Variants in GLIS1 observed in about 807,000 individuals in gnomAD.
GLIS1 encodes zinc finger protein GLIS1.
GLIS1 carries 24 observed loss-of-function variants against 63.8 expected under a neutral mutation model. The observed-to-expected ratio is 0.38, with a 90% CI of 0.27 to 0.53. GLIS1 has a LOEUF of 0.53. GLIS1 is among the 20% of genes least tolerant of loss of function. The pLI is 0.85. For synonymous variants in GLIS1, 450 were observed against 482.5 expected (o/e 0.93, Z 0.88); for missense variants, 1,036 against 1,074.1 (o/e 0.96, Z 0.50).
intron 7 of GLIS1, among the ~76,000 whole-genome samples, chr1:53,520,383 C>CT (rs1181797113): frequency 6.6e-6 from 1 of 152,210 alleles, no homozygotes; most frequent in Non-Finnish European, 1.5e-5. Context: ...CGGGTGAGGG[C>CT]TTCATGCCCT....
chr1:53,618,045 C>T (rs1374550431), intron 2 of GLIS1, among the ~76,000 whole-genome samples: 3 of 152,226 alleles, frequency 2.0e-5, no homozygotes, highest in Non-Finnish European at 4.4e-5. Flanking sequence ...CAGTCCAGGC[C>T]CTGTGCTGGG....
chr1:53,730,031 T>C (rs751243361), intron 2 of GLIS1, among the ~76,000 whole-genome samples: 2 of 152,188 alleles, frequency 1.3e-5, no homozygotes, highest in African/African-American at 4.8e-5. Context: ...TTTTACGATA[T>C]GCTTAAAATT....
chr1:53,647,648 A>G (rs1010210308), intron 2 of GLIS1, among the ~76,000 whole-genome samples: 4 of 150,988 alleles, frequency 2.6e-5, no homozygotes, highest in African/African-American at 9.9e-5. Context: ...ATTGTATAGG[A>G]GACTATTTTC....
chr1:53,581,660 G>A (rs1447751053), intron 4 of GLIS1, among the ~76,000 whole-genome samples: 1 of 152,204 alleles, frequency 6.6e-6, no homozygotes, highest in South Asian at 2.1e-4. Context: ...AAGGCCTCCT[G>A]GAGGAGGTGA....
chr1:53,715,639 G>C (rs1646690490), intron 2 of GLIS1, among the ~76,000 whole-genome samples: 1 of 152,180 alleles, frequency 6.6e-6, no homozygotes. Flanking sequence ...CACAGGTTCA[G>C]GACTGAGGCA....
At chr1:53,592,157 A>G (rs1040694555) in intron 4 of GLIS1, among the ~76,000 whole-genome samples, 1 of 152,004 alleles carries the variant, frequency 6.6e-6, no homozygotes, top group African/African-American at 2.4e-5. Flanking sequence ...GGCCGCAGAG[A>G]GAGAGACCCT....
intron 2 of GLIS1, among the ~76,000 whole-genome samples, chr1:53,622,525 T>C (rs992598699): frequency 6.6e-6 from 1 of 151,376 alleles, no homozygotes; most frequent in African/African-American, 2.4e-5. Context: ...GGAAAAAGGG[T>C]ATTGGCAGAT....
chr1:53,523,378 C>G (rs1272040955), intron 6 of GLIS1, among the ~76,000 whole-genome samples: 1 of 152,176 alleles, frequency 6.6e-6, no homozygotes, highest in Admixed American at 6.5e-5. Context: ...CTCCCAGCAC[C>G]CCATCGCTGT....
chr1:53,667,711 A>T (rs1646108672), intron 2 of GLIS1, among the ~76,000 whole-genome samples: 1 of 152,236 alleles, frequency 6.6e-6, no homozygotes, highest in Non-Finnish European at 1.5e-5. Context: ...AAGCATCAGC[A>T]TCTGGTGAGG....
intron 4 of GLIS1, among the ~76,000 whole-genome samples, chr1:53,548,007 T>C (rs1644721728): frequency 6.6e-6 from 1 of 152,248 alleles, no homozygotes; most frequent in Non-Finnish European, 1.5e-5. Context: ...TATTTATTTT[T>C]CAAAACTCAA....
intron 4 of GLIS1, among the ~76,000 whole-genome samples, chr1:53,561,407 T>C (rs1193747314): frequency 6.6e-6 from 1 of 152,238 alleles, no homozygotes; most frequent in Non-Finnish European, 1.5e-5. Context: ...AATTGGATCC[T>C]CAGCCTACAC....
intron 2 of GLIS1, among the ~76,000 whole-genome samples, chr1:53,666,263 T>C (rs1454700931): frequency 6.6e-6 from 1 of 152,210 alleles, no homozygotes; most frequent in African/African-American, 2.4e-5. Context: ...ACAGCAGCTA[T>C]CTTTTCTCAA....
At chr1:53,628,008 C>T (rs1440707505) in intron 2 of GLIS1, among the ~76,000 whole-genome samples, 1 of 152,150 alleles carries the variant, frequency 6.6e-6, no homozygotes, top group Non-Finnish European at 1.5e-5. Flanking sequence ...AAGGGAGGAC[C>T]CCGTCTGAGA....
chr1:53,606,483 A>G (rs1645370418), intron 2 of GLIS1, among the ~76,000 whole-genome samples: 1 of 152,214 alleles, frequency 6.6e-6, no homozygotes, highest in East Asian at 1.9e-4. Flanking sequence ...TCCTAGGTCC[A>G]GGGCGGGTGA....
At chr1:53,507,454 A>T (rs1052617693) in intron 10 of GLIS1, among the ~76,000 whole-genome samples, 3 of 152,156 alleles carry the variant, frequency 2.0e-5, no homozygotes, top group Non-Finnish European at 4.4e-5. Flanking sequence ...GGGTGGGGCC[A>T]CCGCTCAGAG....
chr1:53,608,313 T>C (rs1645392731), intron 2 of GLIS1, among the ~76,000 whole-genome samples: 1 of 152,200 alleles, frequency 6.6e-6, no homozygotes, highest in South Asian at 2.1e-4. Flanking sequence ...GCTCCACCCT[T>C]ATGACCTCAT....
intron 4 of GLIS1, among the ~76,000 whole-genome samples, chr1:53,587,016 G>T (rs562805700): frequency 6.6e-6 from 1 of 152,316 alleles, no homozygotes; most frequent in South Asian, 2.1e-4. Flanking sequence ...CACAGAGAAA[G>T]GGGGAGCTAA....
rs371279636 is a variant in GLIS1 at position 53,594,915 on chromosome 1, G to C, written c.513C>G (p.Pro171=). The C allele has an allele frequency of 6.6e-7, 1 of 1,513,332 alleles. No individual in the cohort carries two copies. Among genetic ancestry groups the C allele is most frequent in the South Asian group, 1.3e-5 (1 of 76,704 alleles). The allele number at this position is 1,513,332 out of a possible 1,614,324, so 93.7% of individuals were successfully genotyped here. ...GGGCCTCTGCCATGGCTTGGTAGTC[G>C]GGCAAGGACTCCTGTTTGATGTGTT... ...TTQHIKQESL[P]DYQAMAEART... The change falls in exon 4 of 11, where the codon CCC becomes CCG. Residue 171 remains proline (P), a synonymous_variant. Coordinates refer to ENST00000628545, the MANE Select transcript of GLIS1 (RefSeq NM_001367484.1).
intron 2 of GLIS1, among the ~76,000 whole-genome samples, chr1:53,643,560 C>T (rs1645810588): frequency 6.6e-6 from 1 of 152,154 alleles, no homozygotes; most frequent in South Asian, 2.1e-4. Context: ...AGGAGGCAGA[C>T]TCAGTGCTAG....
Sources: gnomAD v4.1 joint callset for allele counts (sites outside exome capture counted in the v4.1 genomes callset) on GRCh38, gnomAD v4.1.1 for gene constraint, MANE v1.5 for transcripts, NCBI Gene and HGNC (gene_info 2026-07-23, HGNC 2026-07-21) for gene names.